FOCAD: variants seen among roughly 807,000 people sequenced by gnomAD.
The protein encoded by FOCAD is focadhesin, also known as KIAA1797.
A neutral mutation model predicts 225.6 loss-of-function variants in FOCAD; 198 were observed. The observed-to-expected ratio is 0.88, with a 90% CI of 0.78 to 0.99. The LOEUF (loss-of-function observed/expected upper bound fraction) is 0.99. Ranked by LOEUF, FOCAD falls within the 50% of genes least tolerant of loss-of-function variation. The pLI is 0.00. For missense variants in FOCAD, 2,713 were observed against 2,123.6 expected, an observed-to-expected ratio of 1.28 and a Z score of -5.46; for synonymous variants, 897 against 755.0, an observed-to-expected ratio of 1.19 and a Z score of -3.08.
chr9:20,728,510 G>C (rs571040468), intron 4 of FOCAD, among the ~76,000 whole-genome samples: 33 of 152,162 alleles, frequency 2.2e-4, no homozygotes, highest in Non-Finnish European at 3.7e-4. Context: ...TTAGGATTTT[G>C]GAGCATTTAG....
intron 5 of FOCAD, 134 bp from the exon 6 acceptor site, chr9:20,757,956 T>A: frequency 2.1e-6 from 1 of 469,768 alleles, no homozygotes. Context: ...GAGCAAGTGA[T>A]CATTTTGTGA....
At chr9:20,720,336 T>G (rs1398215070) in intron 3 of FOCAD, 44 bp from the exon 4 acceptor site, 1 of 1,598,010 alleles carries the variant, frequency 6.3e-7, no homozygotes, top group Non-Finnish European at 8.6e-7. Context: ...TGTGTGTGTT[T>G]GCTGCTCATC....
chr9:20,941,815 T>G (rs1446673613), intron 28 of FOCAD, among the ~76,000 whole-genome samples: 2 of 152,218 alleles, frequency 1.3e-5, no homozygotes, highest in Non-Finnish European at 2.9e-5. Flanking sequence ...CTTTTTGCTT[T>G]CAGTGGACAG....
intron 14 of FOCAD, among the ~76,000 whole-genome samples, chr9:20,821,620 G>C (rs879244745): frequency 6.6e-6 from 1 of 152,054 alleles, no homozygotes; most frequent in Admixed American, 6.6e-5. Flanking sequence ...AAACAGGGTG[G>C]AGGTGACAAG....
At chr9:20,670,648 C>T (rs1178368776) in intron 2 of FOCAD, among the ~76,000 whole-genome samples, 3 of 152,276 alleles carry the variant, frequency 2.0e-5, no homozygotes, top group East Asian at 1.9e-4. Flanking sequence ...TTGACAGACA[C>T]GTGAGGATGA....
intron 15 of FOCAD, among the ~76,000 whole-genome samples, chr9:20,850,910 C>G (rs557948922): frequency 4.9e-4 from 74 of 150,068 alleles, no homozygotes; most frequent in South Asian, 1.9e-3. Flanking sequence ...GTATCAGTCT[C>G]TACTACCTGA....
At chr9:20,852,017 C>G (rs566812892) in intron 15 of FOCAD, among the ~76,000 whole-genome samples, 19 of 151,864 alleles carry the variant, frequency 1.3e-4, no homozygotes, top group African/African-American at 4.3e-4. Flanking sequence ...CCTGCCCTGT[C>G]CTAGCTGGTG....
intron 11 of FOCAD, among the ~76,000 whole-genome samples, chr9:20,798,272 C>T (rs191936516): frequency 2.6e-5 from 4 of 152,140 alleles, no homozygotes; most frequent in African/African-American, 9.7e-5. Context: ...AATATTTTTG[C>T]ATGGATGTTC....
chr9:20,835,240 A>G, intron 15 of FOCAD, among the ~76,000 whole-genome samples: 1 of 152,074 alleles, frequency 6.6e-6, no homozygotes, highest in East Asian at 1.9e-4. Context: ...TTTGGTGTGC[A>G]TTACGTCCTG....
intron 1 of FOCAD, among the ~76,000 whole-genome samples, chr9:20,710,229 A>ATTTTTTTTT (rs749860355): frequency 9.8e-6 from 1 of 102,256 alleles, no homozygotes; most frequent in Non-Finnish European, 1.9e-5. Flanking sequence ...AGTAGCTGAG[A>ATTTTTTTTT]TTTTTTTTTT....
intron 7 of FOCAD, 65 bp downstream of exon 7, chr9:20,765,138 C>T: frequency 5.7e-6 from 8 of 1,395,274 alleles, no homozygotes; most frequent in Admixed American, 2.2e-5. Flanking sequence ...TTGTCATAGA[C>T]AAAGTAGTTC....
At position 20,778,665 on chromosome 9, in the gene FOCAD, C is replaced by G. The variant is rs747741968; in HGVS notation, c.907-16C>G. On this transcript the variant is annotated splice_polypyrimidine_tract_variant and intron_variant, in intron 8 of 43. Transcript: ENST00000338382. The stretch of plus-strand genomic sequence containing the variant: ...AACTTCTTTAACAACTCCTTTTTCC[C>G]CCTCTATTCTTTTAGGATTTTCCTG... 5 of 1,472,398 alleles carry G rather than the reference C, an allele frequency of 3.4e-6. No individual in the cohort carries two copies. The East Asian group carries it at 1.1e-4, about 33-fold the overall frequency. The allele number at this position is 1,472,398 out of a possible 1,614,324, so 91.2% of individuals were successfully genotyped here.
Position 20,995,875 on chromosome 9 carries a change from AT to A in FOCAD, c.*247del. ...ATTTTCTTTATTTGGCTTGAGTTCAATGTGGAGATTTTCTTTGTGAAAGCTT... is the reference window on the plus strand; with the variant it reads ...ATTTTCTTTATTTGGCTTGAGTTCAAGTGGAGATTTTCTTTGTGAAAGCTT... On this transcript the variant is annotated 3_prime_UTR_variant, in exon 44 of 44. Coordinates refer to ENST00000338382, the MANE Select transcript of FOCAD (RefSeq NM_001375567.1). 3.6e-6 allele frequency: 1 copy of A among 278,510 alleles called. No homozygotes were observed. Among genetic ancestry groups the A allele is most frequent in the East Asian group, 6.4e-5 (1 of 15,606 alleles). The allele number at this position is 278,510 out of a possible 1,614,324, so 17.3% of individuals were successfully genotyped here.
intron 11 of FOCAD, among the ~76,000 whole-genome samples, chr9:20,817,040 C>G (rs138646317): frequency 6.6e-6 from 1 of 152,104 alleles, no homozygotes; most frequent in African/African-American, 2.4e-5. Flanking sequence ...ATCCTGGAAC[C>G]AGTCCCTGTA....
intron 11 of FOCAD, among the ~76,000 whole-genome samples, chr9:20,793,259 T>G (rs941262104): frequency 6.6e-6 from 1 of 152,248 alleles, no homozygotes; most frequent in Non-Finnish European, 1.5e-5. Flanking sequence ...GAAGCACAAC[T>G]GAAATATAAG....
At chr9:20,848,022 G>A (rs1827287316) in intron 15 of FOCAD, among the ~76,000 whole-genome samples, 1 of 151,978 alleles carries the variant, frequency 6.6e-6, no homozygotes, top group Admixed American at 6.6e-5. Flanking sequence ...ATGGGGTGTA[G>A]GAGGTAAGGG....
chr9:20,810,720 T>G (rs1822968246), intron 11 of FOCAD, among the ~76,000 whole-genome samples: 1 of 152,096 alleles, frequency 6.6e-6, no homozygotes, highest in African/African-American at 2.4e-5. Context: ...ATAAGTTTTC[T>G]GACTCTGAGA....
At chr9:20,886,141 C>A (rs1009662505) in intron 21 of FOCAD, among the ~76,000 whole-genome samples, 16 of 152,156 alleles carry the variant, frequency 1.1e-4, no homozygotes, top group African/African-American at 3.9e-4. Context: ...CAAGACCCAT[C>A]TTTGTCCTTT....
At chr9:20,668,643 G>A (rs1451649152) in intron 2 of FOCAD, among the ~76,000 whole-genome samples, 5 of 152,216 alleles carry the variant, frequency 3.3e-5, no homozygotes, top group Non-Finnish European at 5.9e-5. Flanking sequence ...TCCATTAGTC[G>A]TAATTGAATC....
Sources: gnomAD v4.1 joint callset for allele counts (sites outside exome capture counted in the v4.1 genomes callset) on GRCh38, gnomAD v4.1.1 for gene constraint, MANE v1.5 for transcripts, NCBI Gene and HGNC (gene_info 2026-07-23, HGNC 2026-07-21) for gene names.